The following PBRM1 variants were observed in gnomAD, a reference collection of about 807,000 sequenced individuals.
PBRM1 encodes the protein protein polybromo-1.
A neutral mutation model predicts 194.5 loss-of-function variants in PBRM1; 27 were observed. The ratio of observed to expected loss-of-function variants is 0.14; its 90% confidence interval spans 0.10 to 0.19. The LOEUF is 0.19. Among genes scored for constraint, PBRM1 ranks in the 10% least tolerant of loss-of-function variants. PBRM1 has a pLI of 1.00. For synonymous variants in PBRM1, 655 were observed against 693.2 expected (o/e 0.94, Z 0.87); for missense variants, 1,466 against 2,077.2 (o/e 0.71, Z 5.72).
At chr3:52,596,415 C>CGACA (rs1560196501) in intron 17 of PBRM1, among the ~76,000 whole-genome samples, 1 of 110,144 alleles carries the variant, frequency 9.1e-6, no homozygotes, top group Non-Finnish European at 1.7e-5. Context: ...TCCAGCCTGG[C>CGACA]GACAGAGTGA....
chr3:52,592,196 C>T (rs2093151719), intron 17 of PBRM1, among the ~76,000 whole-genome samples: 2 of 146,400 alleles, frequency 1.4e-5, no homozygotes, highest in South Asian at 2.2e-4. Context: ...TGCAGTGGTG[C>T]GATCTTGGCT....
chr3:52,636,212 C>T (rs1560593531), intron 10 of PBRM1, among the ~76,000 whole-genome samples: 1 of 152,116 alleles, frequency 6.6e-6, no homozygotes, highest in Non-Finnish European at 1.5e-5. Context: ...AGCCTTAAAT[C>T]TCTGTGACTT....
At chr3:52,602,308 C>T (rs1560254992) in intron 17 of PBRM1, among the ~76,000 whole-genome samples, 1 of 152,178 alleles carries the variant, frequency 6.6e-6, no homozygotes, top group Non-Finnish European at 1.5e-5. Context: ...GGTTGCTCCT[C>T]TCTTTCTATA....
At chr3:52,628,824 A>G in intron 12 of PBRM1, 70 bp downstream of exon 13, 2 of 1,382,044 alleles carry the variant, frequency 1.4e-6, no homozygotes, top group Non-Finnish European at 2.1e-6. Flanking sequence ...TCTTACTAGA[A>G]CACACTCAAA....
intron 2 of PBRM1, among the ~76,000 whole-genome samples, chr3:52,672,644 A>G (rs531734943): frequency 6.6e-6 from 1 of 151,548 alleles, no homozygotes; most frequent in South Asian, 2.1e-4. Flanking sequence ...ATAGGTGCAC[A>G]CCACCACGCC....
chr3:52,680,637 G>T (rs1389263785), upstream of PBRM1, among the ~76,000 whole-genome samples: 3 of 152,094 alleles, frequency 2.0e-5, no homozygotes, highest in Non-Finnish European at 4.4e-5. Flanking sequence ...AGTATATTGT[G>T]ATTTGAAAGG....
exon 25 of PBRM1, chr3:52,561,888 G>A (rs2153492703): frequency 6.2e-7 from 1 of 1,614,060 alleles, no homozygotes; most frequent in Non-Finnish European, 8.5e-7. Flanking sequence ...TCTCACTGCT[G>A]AACAGGATGT....
intron 15 of PBRM1, among the ~76,000 whole-genome samples, chr3:52,611,344 G>A (rs965395850): frequency 6.6e-6 from 1 of 152,146 alleles, no homozygotes; most frequent in African/African-American, 2.4e-5. Context: ...TTAACAGAAA[G>A]CCATAAATAG....
intron 3 of PBRM1, among the ~76,000 whole-genome samples, 153 bp downstream of exon 4, chr3:52,668,345 A>T (rs2096880510): frequency 6.6e-6 from 1 of 152,178 alleles, no homozygotes; most frequent in African/African-American, 2.4e-5. Flanking sequence ...TAAAAATCAT[A>T]TGAATGTCCA....
At chr3:52,558,400 T>G in exon 26 of PBRM1, 1 of 1,539,340 alleles carries the variant, frequency 6.5e-7, no homozygotes, top group South Asian at 1.2e-5. Context: ...GCTCAGCAAC[T>G]TTAGCTGCCC....
Position 52,603,426 on chromosome 3 carries a change from A to G in PBRM1, c.2779+95T>C, listed in dbSNP as rs1206781317. 2.3e-6 allele frequency: 3 copies of G among 1,310,418 alleles called. No individual in the cohort carries two copies. The East Asian group carries it at 7.4e-5, about 33-fold the overall frequency. 81.2% of individuals were successfully genotyped at this position (1,310,418 alleles called of 1,614,324 possible). ...AATATAGTCAATACCCTGAGTTTTC[A>G]TTCATACAAACAGGACTCTTTTCCA... is the stretch of plus-strand genomic sequence containing the variant. On this transcript the variant is annotated intron_variant, in intron 17 of 29. Coordinates refer to ENST00000296302, the Ensembl canonical transcript of PBRM1.
At chr3:52,627,486 G>A in intron 12 of PBRM1, 116 bp from the exon 14 acceptor site, 3 of 622,124 alleles carry the variant, frequency 4.8e-6, no homozygotes, top group South Asian at 2.0e-5. Flanking sequence ...TCACATGCAG[G>A]ATGTACAAAA....
At chr3:52,599,518 A>T (rs888143661) in intron 17 of PBRM1, among the ~76,000 whole-genome samples, 2 of 151,980 alleles carry the variant, frequency 1.3e-5, no homozygotes, top group African/African-American at 2.4e-5. Context: ...TTTTAAAAAA[A>T]TTTTTACTGT....
rs1475875374 is a variant in PBRM1, at chr3:52,609,320, T to C, written c.2560A>G (p.Met854Val). The C allele has an allele frequency of 1.2e-6, 2 of 1,610,400 alleles. No individual in the cohort carries two copies. Among genetic ancestry groups the C allele is most frequent in the South Asian group, 2.2e-5 (2 of 90,530 alleles). The change falls in exon 16 of 30, where the codon ATG (methionine) becomes GTG (valine). Residue 854 changes from methionine (M) to valine (V), a missense_variant. Physicochemically the swap from Met to Val is conservative, Grantham distance 21 (BLOSUM62 1). This residue lies in a region of PBRM1 where 687 missense variants were observed against 946.2 expected (regional missense o/e 0.73). Coordinates refer to ENST00000296302, the Ensembl canonical transcript of PBRM1. This position sits in a 1 kb window ranked among gnomAD's most constrained non-coding sequence, Gnocchi z 4.1. Reference sequence around the variant, plus strand: ...ATGGCTTTGAAAACATACCGATTCATCCTTCTTGCTCGTTCCAATACTTCA... The same window carrying C: ...ATGGCTTTGAAAACATACCGATTCACCCTTCTTGCTCGTTCCAATACTTCA...
chr3:52,587,553 A>G, intron 18 of PBRM1, 43 bp from the exon 21 acceptor site: 1 of 1,279,814 alleles, frequency 7.8e-7, no homozygotes, highest in Non-Finnish European at 1.1e-6. Context: ...AAAGAGAATC[A>G]TTGTTAACAG....
intron 11 of PBRM1, among the ~76,000 whole-genome samples, chr3:52,633,669 A>C (rs1169150241): frequency 1.3e-5 from 2 of 152,124 alleles, no homozygotes; most frequent in Admixed American, 1.3e-4. Context: ...CACACCAATA[A>C]TTATTATTAT....
rs374927051 is a variant in PBRM1, at chr3:52,587,091, AC to A, written c.3123+261del. On this transcript the variant is annotated intron_variant, in intron 19 of 29. Transcript: ENST00000296302. ...ATTTGTAATGATTATCCTTAAAAAA[AC>A]ATCATACTTAAAAATTAGCCTGGCA... Among the ~76,000 whole-genome samples, 479 of 152,328 alleles carry A rather than the reference AC, an allele frequency of 3.1e-3. 3 individuals carry two copies. The highest frequency in any genetic ancestry group is 0.01 in the Middle Eastern group (3 of 294).
intron 2 of PBRM1, among the ~76,000 whole-genome samples, chr3:52,672,514 G>C (rs548923760): frequency 1.1e-5 from 1 of 92,272 alleles, no homozygotes; most frequent in South Asian, 3.4e-4. Flanking sequence ...TTTTTTTTGA[G>C]TCAGAGTTTC....
intron 22 of PBRM1, among the ~76,000 whole-genome samples, chr3:52,575,508 CTTTTTTTTTTTTTT>C (rs1177139118): frequency 1.1e-5 from 1 of 87,138 alleles, no homozygotes; most frequent in Non-Finnish European, 2.2e-5. Flanking sequence ...AATCAATTGT[CTTTTTTTTTTTTTT>C]TTTTTTTTTT....
Sources: gnomAD v4.1 joint callset for allele counts (sites outside exome capture counted in the v4.1 genomes callset) on GRCh38, gnomAD v4.1.1 for gene constraint, gnomAD v4.1.1 regional missense constraint, Gnocchi (gnomAD v3.1) non-coding constraint, MANE v1.5 for transcripts, NCBI Gene and HGNC (gene_info 2026-07-23, HGNC 2026-07-21) for gene names.